NAV2: variants seen among roughly 807,000 people sequenced by gnomAD.
The protein encoded by NAV2 is neuron navigator 2.
A neutral mutation model predicts 223.2 loss-of-function variants in NAV2; 54 were observed. The observed-to-expected ratio is 0.24, with a 90% CI of 0.19 to 0.30. The LOEUF is 0.30. Ranked by LOEUF, NAV2 falls within the 10% of genes least tolerant of loss-of-function variation. The probability of loss-of-function intolerance (pLI) is 1.00; values close to 1 mark genes in which losing one functional copy is unlikely to be tolerated. For missense variants in NAV2, 2,806 were observed against 3,147.5 expected (o/e 0.89, Z 2.60); for synonymous variants, 1,279 against 1,239.3 (o/e 1.03, Z -0.67).
intron 1 of NAV2, among the ~76,000 whole-genome samples, chr11:19,564,669 C>A (rs995774394): frequency 7.4e-6 from 1 of 134,380 alleles, no homozygotes; most frequent in South Asian, 2.3e-4. Context: ...CCCTTCCTGC[C>A]GTCCCCTAGA....
At chr11:19,494,016 A>T (rs2042715696) in intron 1 of NAV2, among the ~76,000 whole-genome samples, 1 of 152,166 alleles carries the variant, frequency 6.6e-6, no homozygotes, top group African/African-American at 2.4e-5. Flanking sequence ...GATGACTGAC[A>T]CTGGCCTGAT....
At chr11:19,496,108 G>A (rs1756009024) in intron 1 of NAV2, among the ~76,000 whole-genome samples, 1 of 152,134 alleles carries the variant, frequency 6.6e-6, no homozygotes, top group African/African-American at 2.4e-5. Flanking sequence ...AGTGAAAATG[G>A]GGGCTCTAGC....
At position 20,035,875 on chromosome 11, in the gene NAV2, G is replaced by C. The variant is rs138308099; in HGVS notation, c.2769-84G>C. Reference sequence around the variant, plus strand: ...ATGGCACAGATTGGATCTTTTCGGGGATGGTGTTTGTCTGTCTGTGTCATC... The same window carrying C: ...ATGGCACAGATTGGATCTTTTCGGGCATGGTGTTTGTCTGTCTGTGTCATC... On this transcript the variant is annotated intron_variant, in intron 11 of 37. Coordinates refer to ENST00000349880, the MANE Select transcript of NAV2 (RefSeq NM_145117.5). 6.4e-4 allele frequency: 969 copies of C among 1,525,474 alleles called. 9 individuals are homozygous for C. In the African/African-American group the frequency reaches 0.012, roughly 19 times the overall value. 94.5% of individuals were successfully genotyped at this position (1,525,474 alleles called of 1,614,324 possible).
At chr11:19,642,174 G>C (rs889379666) in intron 1 of NAV2, among the ~76,000 whole-genome samples, 1 of 152,096 alleles carries the variant, frequency 6.6e-6, no homozygotes, top group Non-Finnish European at 1.5e-5. Context: ...CAGTGGCACT[G>C]TACCCATAAT....
At chr11:19,605,037 C>T (rs2046441859) in intron 1 of NAV2, among the ~76,000 whole-genome samples, 1 of 152,158 alleles carries the variant, frequency 6.6e-6, no homozygotes, top group Non-Finnish European at 1.5e-5. Context: ...TCTTTATCAG[C>T]AGCATGAAAA....
intron 10 of NAV2, among the ~76,000 whole-genome samples, chr11:19,952,535 C>A (rs2047484132): frequency 6.6e-6 from 1 of 152,266 alleles, no homozygotes. Flanking sequence ...AGAAATGTAG[C>A]CTTGATGTAT....
chr11:19,526,463 G>A lies in NAV2; in HGVS notation c.75+175436G>A, dbSNP rs78251842. On this transcript the variant is annotated intron_variant, in intron 1 of 37. Transcript: ENST00000360655. ...CTTTCTAAAGTCAGCTTCAGAGTCA[G>A]CCTTGTCTCGGGGGAATGAATATGA... Among the ~76,000 whole-genome samples the A allele has an allele frequency of 6.3e-3, 961 of 152,012 alleles. 7 individuals carry two copies. The highest frequency in any genetic ancestry group is 0.022 in the African/African-American group (896 of 41,446).
chr11:19,513,920 C>T (rs1400832555), intron 1 of NAV2, among the ~76,000 whole-genome samples: 1 of 152,134 alleles, frequency 6.6e-6, no homozygotes, highest in Non-Finnish European at 1.5e-5. Context: ...TAGGAAGATG[C>T]AAGGAAGAAT....
intron 1 of NAV2, among the ~76,000 whole-genome samples, chr11:19,538,511 T>C (rs114297657): frequency 0.042 from 6,069 of 145,662 alleles, 420 homozygotes; most frequent in African/African-American, 0.16. Flanking sequence ...TGGCTAACTT[T>C]TGTTTTTGTT....
chr11:19,506,916 T>C (rs953940164), intron 1 of NAV2: 3 of 152,186 alleles, frequency 2.0e-5, no homozygotes, highest in African/African-American at 7.2e-5. Flanking sequence ...CAGCAGAGTA[T>C]TGAATCAAGC....
intron 36 of NAV2, among the ~76,000 whole-genome samples, chr11:20,109,415 A>G (rs1185245123): frequency 6.6e-6 from 1 of 152,096 alleles, no homozygotes; most frequent in East Asian, 1.9e-4. Flanking sequence ...TTGCAGTAGA[A>G]CCTCCCTAGG....
intron 1 of NAV2, among the ~76,000 whole-genome samples, chr11:19,369,585 AT>A (rs1848403349): frequency 6.6e-6 from 1 of 151,860 alleles, no homozygotes; most frequent in Admixed American, 6.6e-5. Flanking sequence ...TTCCTCAGAG[AT>A]TTTCTTTGAG....
At chr11:19,862,353 T>G (rs966232806) in intron 3 of NAV2, among the ~76,000 whole-genome samples, 1 of 152,242 alleles carries the variant, frequency 6.6e-6, no homozygotes, top group Non-Finnish European at 1.5e-5. Context: ...GCATAGGGAC[T>G]CATAAGCTGT....
intron 1 of NAV2, among the ~76,000 whole-genome samples, chr11:19,441,470 A>C (rs932664491): frequency 6.6e-6 from 1 of 151,762 alleles, no homozygotes; most frequent in Non-Finnish European, 1.5e-5. Flanking sequence ...ACACACACAC[A>C]CACCCTTCAA....
intron 1 of NAV2, among the ~76,000 whole-genome samples, chr11:19,785,698 G>C (rs983643692): frequency 6.6e-5 from 10 of 150,384 alleles, no homozygotes; most frequent in Admixed American, 1.3e-4. Flanking sequence ...TGTCCACGGA[G>C]TAATGTCTGG....
intron 1 of NAV2, among the ~76,000 whole-genome samples, chr11:19,378,530 G>A (rs545685745): frequency 4.0e-5 from 6 of 150,316 alleles, no homozygotes; most frequent in East Asian, 2.0e-4. Context: ...AAAGAGCGGC[G>A]CCTCACTATT....
At chr11:19,693,640 A>T (rs1485282322) in intron 1 of NAV2, among the ~76,000 whole-genome samples, 4 of 152,178 alleles carry the variant, frequency 2.6e-5, no homozygotes, top group African/African-American at 9.6e-5. Flanking sequence ...TTTCCCACCC[A>T]CACCCCTGCC....
chr11:19,582,723 A>G (rs2045761367), intron 1 of NAV2, among the ~76,000 whole-genome samples: 1 of 152,134 alleles, frequency 6.6e-6, no homozygotes, highest in Admixed American at 6.5e-5. Flanking sequence ...CCATTGGTCT[A>G]TATCTCTGTT....
chr11:19,744,766 C>T (rs1384875004), intron 1 of NAV2, among the ~76,000 whole-genome samples: 1 of 152,212 alleles, frequency 6.6e-6, no homozygotes, highest in East Asian at 1.9e-4. Flanking sequence ...TCACCATCCT[C>T]ACCATCCTAC....
Sources: gnomAD v4.1 joint callset for allele counts (sites outside exome capture counted in the v4.1 genomes callset) on GRCh38, gnomAD v4.1.1 for gene constraint, MANE v1.5 for transcripts, NCBI Gene and HGNC (gene_info 2026-07-23, HGNC 2026-07-21) for gene names.